PATJ: variants seen among roughly 807,000 people sequenced by gnomAD.
PATJ encodes inaD-like protein.
Under a neutral mutation model 224.9 loss-of-function variants are expected in PATJ, and 190 were observed. The observed-to-expected ratio is 0.84, with a 90% CI of 0.75 to 0.95. The LOEUF (loss-of-function observed/expected upper bound fraction) is 0.95, where lower values mean the gene tolerates loss of function less well. Ranked by LOEUF, PATJ falls within the 40% of genes least tolerant of loss-of-function variation. The pLI is 0.00. For synonymous variants in PATJ, 769 were observed against 820.3 expected (o/e 0.94, Z 1.07); for missense variants, 2,121 against 2,270.3 (o/e 0.93, Z 1.34).
chr1:61,775,180 G>T (rs376196159), intron 6 of PATJ, 26 bp from the exon 7 acceptor site: 1 of 1,598,462 alleles, frequency 6.3e-7, no homozygotes, highest in South Asian at 1.1e-5. Flanking sequence ...CTGATACTGC[G>T]ACTCTTATTT....
At chr1:61,925,819 G>T (rs1348845320) in intron 26 of PATJ, among the ~76,000 whole-genome samples, 2 of 152,214 alleles carry the variant, frequency 1.3e-5, no homozygotes, top group Non-Finnish European at 2.9e-5. Flanking sequence ...TGAAGAGAGT[G>T]AAGTGCTATT....
At chr1:62,119,491 G>A (rs1664815086) in intron 37 of PATJ, among the ~76,000 whole-genome samples, 1 of 152,164 alleles carries the variant, frequency 6.6e-6, no homozygotes, top group South Asian at 2.1e-4. Context: ...CATTAAGAGA[G>A]AAATAACTTC....
intron 43 of PATJ, among the ~76,000 whole-genome samples, chr1:62,159,555 CTTTTTT>C (rs56862738): frequency 5.2e-5 from 7 of 134,742 alleles, no homozygotes; most frequent in Admixed American, 7.6e-5. Context: ...ATTTCGAATA[CTTTTTT>C]TTTTTTTTTT....
At chr1:62,125,358 A>G (rs1366520472) in intron 39 of PATJ, among the ~76,000 whole-genome samples, 1 of 151,812 alleles carries the variant, frequency 6.6e-6, no homozygotes, top group Non-Finnish European at 1.5e-5. Context: ...CTCACCTCAA[A>G]GGTAAATATT....
intron 1 of PATJ, among the ~76,000 whole-genome samples, chr1:61,761,653 T>G (rs1474813939): frequency 1.3e-5 from 2 of 151,770 alleles, no homozygotes; most frequent in Non-Finnish European, 2.9e-5. Flanking sequence ...ACAAGGCCTG[T>G]TTGTTCATAT....
At chr1:61,796,671 T>TTTCTTTC (rs1557660321) in intron 10 of PATJ, among the ~76,000 whole-genome samples, 7 of 28,504 alleles carry the variant, frequency 2.5e-4, no homozygotes, top group Admixed American at 4.9e-4. Flanking sequence ...TCTTTCTTTC[T>TTTCTTTC]TTCTTTCTTT....
At chr1:61,815,796 C>G (rs12407806) in intron 14 of PATJ, among the ~76,000 whole-genome samples, 1 of 151,994 alleles carries the variant, frequency 6.6e-6, no homozygotes, top group Non-Finnish European at 1.5e-5. Context: ...AAGCTATTTA[C>G]AGTGACTTAA....
chr1:61,882,500 C>T (rs929666618), intron 21 of PATJ, among the ~76,000 whole-genome samples: 2 of 152,104 alleles, frequency 1.3e-5, no homozygotes, highest in East Asian at 1.9e-4. Context: ...CAAATTTTTC[C>T]AGTTTGTATG....
At position 62,079,491 on chromosome 1, in the gene PATJ, C is replaced by G. The variant is rs1192729619; in HGVS notation, c.4167C>G (p.Val1389=). Reference sequence around the variant, plus strand: ...AACAGCAAAAATATCCAACAAAAGTCTCCTTCAGTTCACAAGAGATACCAT... The same window carrying G: ...AACAGCAAAAATATCCAACAAAAGTGTCCTTCAGTTCACAAGAGATACCAT... ...QMKQQKYPTK[V]SFSSQEIPLA... Residue 1389 remains valine, a synonymous_variant, in exon 32 of 44, where the codon GTC becomes GTG. Coordinates refer to ENST00000642238, the MANE Select transcript of PATJ (RefSeq NM_001350145.3). 6.2e-7 allele frequency: 1 copy of G among 1,613,834 alleles called. No individual in the cohort carries two copies. The highest frequency in any genetic ancestry group is 8.5e-7 in the Non-Finnish European group (1 of 1,179,840).
intron 21 of PATJ, among the ~76,000 whole-genome samples, chr1:61,877,238 A>C (rs1373208926): frequency 7.1e-6 from 1 of 140,864 alleles, no homozygotes; most frequent in Non-Finnish European, 1.5e-5. Context: ...GTGGTTATTC[A>C]ACAGCATATC....
intron 19 of PATJ, among the ~76,000 whole-genome samples, chr1:61,862,661 A>G (rs1436028047): frequency 3.3e-5 from 5 of 152,212 alleles, no homozygotes; most frequent in Non-Finnish European, 7.3e-5. Context: ...AAAATGCTAT[A>G]AAAATGGAAC....
At chr1:62,119,042 T>A (rs1664766679) in intron 37 of PATJ, among the ~76,000 whole-genome samples, 1 of 152,008 alleles carries the variant, frequency 6.6e-6, no homozygotes, top group South Asian at 2.1e-4. Flanking sequence ...TTACCTGGTA[T>A]ATGAATGTGA....
At chr1:61,922,260 G>A (rs1013524513) in intron 26 of PATJ, among the ~76,000 whole-genome samples, 2 of 152,020 alleles carry the variant, frequency 1.3e-5, no homozygotes, top group Non-Finnish European at 2.9e-5. Flanking sequence ...GGCCAGGCTG[G>A]TCTTGAACTC....
At chr1:61,954,487 A>G (rs1680152292) in intron 27 of PATJ, among the ~76,000 whole-genome samples, 1 of 152,206 alleles carries the variant, frequency 6.6e-6, no homozygotes, top group Non-Finnish European at 1.5e-5. Flanking sequence ...ATATATAAGT[A>G]TAGGTTAAAC....
chr1:61,801,844 T>C (rs1274492691), intron 12 of PATJ, 75 bp downstream of exon 12: 5 of 1,070,228 alleles, frequency 4.7e-6, no homozygotes, highest in African/African-American at 3.2e-5. Context: ...ATAGTTAATA[T>C]AGTATGAGAA....
chr1:61,907,590 C>T (rs1243694143), intron 24 of PATJ, among the ~76,000 whole-genome samples: 2 of 152,104 alleles, frequency 1.3e-5, no homozygotes, highest in African/African-American at 2.4e-5. Flanking sequence ...TAAAAACATC[C>T]TACATCCCTT....
intron 1 of PATJ, among the ~76,000 whole-genome samples, chr1:61,748,814 G>C (rs1386738633): frequency 6.6e-6 from 1 of 151,918 alleles, no homozygotes; most frequent in East Asian, 1.9e-4. Context: ...GCACCACCAC[G>C]CTCAGCTAGT....
intron 11 of PATJ, among the ~76,000 whole-genome samples, chr1:61,799,477 G>A (rs1652022632): frequency 6.6e-6 from 1 of 152,288 alleles, no homozygotes; most frequent in South Asian, 2.1e-4. Context: ...TTACAGGCGT[G>A]ATCCACCACG....
At chr1:61,978,823 G>A (rs1215842181) in intron 27 of PATJ, among the ~76,000 whole-genome samples, 1 of 151,980 alleles carries the variant, frequency 6.6e-6, no homozygotes, top group African/African-American at 2.4e-5. Context: ...AAATTGTATT[G>A]AGTCATTATT....
Sources: gnomAD v4.1 joint callset for allele counts (sites outside exome capture counted in the v4.1 genomes callset) on GRCh38, gnomAD v4.1.1 for gene constraint, MANE v1.5 for transcripts, NCBI Gene and HGNC (gene_info 2026-07-23, HGNC 2026-07-21) for gene names.